IFT52: variants seen among roughly 807,000 people sequenced by gnomAD.
The protein encoded by IFT52 is intraflagellar transport protein 52 homolog.
In IFT52, 44 loss-of-function variants were observed where a neutral mutation model predicts 54.4. The observed-to-expected ratio is 0.81, with a 90% CI of 0.63 to 1.04. The LOEUF (loss-of-function observed/expected upper bound fraction) is 1.04. Among genes scored for constraint, IFT52 ranks in the 50% least tolerant of loss-of-function variants. The pLI, the probability that IFT52 is intolerant of heterozygous loss-of-function variation, is 0.00. For synonymous variants in IFT52, 181 were observed against 185.3 expected (o/e 0.98, Z 0.19); for missense variants, 452 against 523.6 (o/e 0.86, Z 1.33).
chr20:43,629,959 A>G (rs758748482), intron 10 of IFT52, among the ~76,000 whole-genome samples: 23 of 152,204 alleles, frequency 1.5e-4, no homozygotes, highest in Non-Finnish European at 3.4e-4. Context: ...AAGCCAGGCA[A>G]TTTTAACTCT....
intron 13 of IFT52, 72 bp from the exon 14 acceptor site, chr20:43,646,864 A>G: frequency 2.5e-6 from 3 of 1,219,252 alleles, no homozygotes; most frequent in Non-Finnish European, 3.6e-6. Context: ...CTAAAGTCCA[A>G]AGCACTGAAG....
At chr20:43,622,581 C>A (rs558721163) in intron 9 of IFT52, among the ~76,000 whole-genome samples, 1 of 150,194 alleles carries the variant, frequency 6.7e-6, no homozygotes, top group Admixed American at 6.7e-5. Context: ...CCAGCCTGGG[C>A]GACAGAGCGA....
intron 12 of IFT52, among the ~76,000 whole-genome samples, chr20:43,639,529 G>T (rs979976530): frequency 3.3e-5 from 5 of 152,218 alleles, no homozygotes; most frequent in African/African-American, 1.2e-4. Flanking sequence ...AATTAGCTGG[G>T]TGTGGTGGCG....
intron 6 of IFT52, among the ~76,000 whole-genome samples, chr20:43,605,438 T>C (rs995640305): frequency 2.0e-5 from 3 of 152,198 alleles, no homozygotes; most frequent in Non-Finnish European, 2.9e-5. Flanking sequence ...TCCCAGCTAC[T>C]CGGGAGGCTG....
At chr20:43,625,338 G>A (rs1324517447) in intron 10 of IFT52, among the ~76,000 whole-genome samples, 6 of 151,962 alleles carry the variant, frequency 3.9e-5, no homozygotes, top group Non-Finnish European at 7.4e-5. Flanking sequence ...GCGAAACCCC[G>A]TCTCTACTAA....
chr20:43,596,377 A>G (rs1048879948), intron 2 of IFT52, 58 bp from the exon 3 acceptor site: 1 of 1,109,626 alleles, frequency 9.0e-7, no homozygotes, highest in African/African-American at 1.5e-5. Flanking sequence ...GACTAAAATA[A>G]TACATAAATT....
chr20:43,623,937 G>T lies in IFT52; in HGVS notation c.815G>T (p.Arg272Leu). 2 of 1,614,114 alleles carry T rather than the reference G, an allele frequency of 1.2e-6. No individual in the cohort carries two copies. The highest frequency in any genetic ancestry group is 1.7e-6 in the Non-Finnish European group (2 of 1,180,018). Residue 272 changes from arginine (R) to leucine (L), a missense_variant, in exon 10 of 14, where the codon CGG becomes CTG. Coordinates refer to ENST00000373030, the MANE Select transcript of IFT52 (RefSeq NM_016004.5). ...CCCTACACAGCCACCCTATCAAAGC[G>T]GAATCGAGAGTGTCTCCAGGAGAGT... ...MLPYTATLSK[R>L]NRECLQESDE...
chr20:43,600,653 C>CA (rs924157243), intron 3 of IFT52, among the ~76,000 whole-genome samples: 3 of 151,886 alleles, frequency 2.0e-5, no homozygotes, highest in Non-Finnish European at 2.9e-5. Flanking sequence ...TTAAATCGTG[C>CA]AAAAAATACT....
At chr20:43,628,498 T>G (rs1984913080) in intron 10 of IFT52, among the ~76,000 whole-genome samples, 1 of 152,160 alleles carries the variant, frequency 6.6e-6, no homozygotes, top group African/African-American at 2.4e-5. Flanking sequence ...GATTGAAGAT[T>G]GTGGAAGTTC....
chr20:43,621,654 G>C (rs949184234), intron 9 of IFT52, among the ~76,000 whole-genome samples: 11 of 152,116 alleles, frequency 7.2e-5, no homozygotes, highest in African/African-American at 1.2e-4. Flanking sequence ...GTAGAGGCAG[G>C]GTTTCACCAT....
chr20:43,634,204 G>A (rs1328828390), intron 10 of IFT52, among the ~76,000 whole-genome samples: 1 of 73,300 alleles, frequency 1.4e-5, no homozygotes. Context: ...TGTGGTTTTT[G>A]TGCATAAATG....
At chr20:43,617,594 C>T (rs1379532033) in intron 7 of IFT52, among the ~76,000 whole-genome samples, 1 of 152,096 alleles carries the variant, frequency 6.6e-6, no homozygotes, top group Non-Finnish European at 1.5e-5. Context: ...CAGGCATGCA[C>T]CACCATGCCT....
intron 1 of IFT52, among the ~76,000 whole-genome samples, chr20:43,591,680 T>A (rs1467543678): frequency 6.6e-6 from 1 of 152,278 alleles, no homozygotes; most frequent in Non-Finnish European, 1.5e-5. Context: ...CTAAAATTAA[T>A]GCTAATAAGG....
intron 6 of IFT52, among the ~76,000 whole-genome samples, chr20:43,607,593 C>T (rs984829323): frequency 1.4e-4 from 20 of 143,952 alleles, no homozygotes; most frequent in African/African-American, 3.7e-4. Context: ...AGAGATGCTC[C>T]GCACTTCCTA....
chr20:43,628,634 C>CTT (rs1251744866), intron 10 of IFT52, among the ~76,000 whole-genome samples: 13 of 152,096 alleles, frequency 8.5e-5, no homozygotes, highest in African/African-American at 3.1e-4. Context: ...GAGCGGATCA[C>CTT]GAGGTCAGGA....
intron 3 of IFT52, among the ~76,000 whole-genome samples, chr20:43,603,461 CA>C (rs1458230512): frequency 2.0e-5 from 3 of 152,068 alleles, no homozygotes; most frequent in East Asian, 3.8e-4. Context: ...AGGTGGAGAC[CA>C]GGGGTGCTGC....
At chr20:43,632,154 A>G (rs1039824796) in intron 10 of IFT52, among the ~76,000 whole-genome samples, 1 of 151,158 alleles carries the variant, frequency 6.6e-6, no homozygotes, top group African/African-American at 2.4e-5. Context: ...TGAACTCCCA[A>G]CCCCAGGTGA....
At chr20:43,620,397 C>G (rs1025255398) in intron 8 of IFT52, among the ~76,000 whole-genome samples, 1 of 152,140 alleles carries the variant, frequency 6.6e-6, no homozygotes, top group Non-Finnish European at 1.5e-5. Flanking sequence ...GCAGCTCATG[C>G]CTGTAATCCT....
intron 12 of IFT52, among the ~76,000 whole-genome samples, chr20:43,640,853 T>C (rs1371631398): frequency 6.6e-6 from 1 of 151,906 alleles, no homozygotes; most frequent in African/African-American, 2.4e-5. Flanking sequence ...TTGGGCGACA[T>C]GGTGAAACCC....
Sources: allele counts gnomAD v4.1 joint callset (sites outside exome capture counted in the v4.1 genomes callset), GRCh38; gene constraint gnomAD v4.1.1; transcripts MANE v1.5; gene names NCBI Gene and HGNC (gene_info 2026-07-23, HGNC 2026-07-21).